The following RNU5D-1 variants were observed in gnomAD, a reference collection of about 807,000 sequenced individuals.
RNU5D-1 encodes RNA, U5D small nuclear 1.
exon 1 of RNU5D-1, chr1:44,731,127 T>C (rs115327971): frequency 1.3e-4 from 19 of 151,896 alleles, no homozygotes; most frequent in African/African-American, 2.7e-4. Context: ...AAATCTTTAG[T>C]AAAAGGCGAA....
chr1:44,731,161 A>C lies in RNU5D-1; in HGVS notation n.10T>G, dbSNP rs186192566. 3.3e-5 allele frequency: 5 copies of C among 151,948 alleles called. No individual in the cohort carries two copies. The East Asian group carries it at 5.8e-4, about 18-fold the overall frequency. The allele number at this position is 151,948 out of a possible 1,614,324, so 9.4% of individuals were successfully genotyped here. A position where few individuals can be genotyped will look rare whatever the true frequency, so the allele number is the denominator to read the frequency against. On this transcript the variant is annotated non_coding_transcript_exon_variant, in exon 1 of 1. Coordinates refer to ENST00000363299, the Ensembl canonical transcript of RNU5D-1. The stretch of plus-strand genomic sequence containing the variant: ...AAAGATTTATACGATTTGAAGAGAA[A>C]CCAGAGCATGTGTTGGAATGGTTGC...
At chr1:44,731,105 T>G (rs143518054) in exon 1 of RNU5D-1, 1 of 151,604 alleles carries the variant, frequency 6.6e-6, no homozygotes, top group Admixed American at 6.6e-5. Flanking sequence ...TCAAAACGGT[T>G]TCTCTCCACG....
At chr1:44,731,162 C>A (rs190604050) in exon 1 of RNU5D-1, 1 of 151,556 alleles carries the variant, frequency 6.6e-6, no homozygotes, top group African/African-American at 2.4e-5. Flanking sequence ...TGAAGAGAAA[C>A]CAGAGCATGT....
chr1:44,731,116 G>C (rs142196770), exon 1 of RNU5D-1: 4 of 151,918 alleles, frequency 2.6e-5, no homozygotes, highest in South Asian at 2.1e-4. Flanking sequence ...TCTCTCCACG[G>C]AAATCTTTAG....
exon 1 of RNU5D-1, chr1:44,731,125 A>T (rs1027580885): frequency 6.6e-6 from 1 of 152,106 alleles, no homozygotes; most frequent in Middle Eastern, 3.4e-3. Flanking sequence ...GGAAATCTTT[A>T]GTAAAAGGCG....
chr1:44,731,137 A>C (rs150614444), exon 1 of RNU5D-1: 1 of 151,798 alleles, frequency 6.6e-6, no homozygotes, highest in African/African-American at 2.4e-5. Flanking sequence ...TAAAAGGCGA[A>C]AGATTTATAC....
chr1:44,731,089 T>G (rs75586910), exon 1 of RNU5D-1: 4 of 152,164 alleles, frequency 2.6e-5, no homozygotes, highest in African/African-American at 4.8e-5. Flanking sequence ...AAAATTTGCT[T>G]GAAACTCAAA....
At chr1:44,731,158 G>GAAACCAGAGC (rs1553153408) in exon 1 of RNU5D-1, 1 of 151,760 alleles carries the variant, frequency 6.6e-6, no homozygotes, top group Non-Finnish European at 1.5e-5. Flanking sequence ...GATTTGAAGA[G>GAAACCAGAGC]AAACCAGAGC....
At chr1:44,731,154 A>T (rs976251089) in exon 1 of RNU5D-1, 2 of 151,264 alleles carry the variant, frequency 1.3e-5, no homozygotes, top group Admixed American at 6.7e-5. Context: ...ATACGATTTG[A>T]AGAGAAACCA....
exon 1 of RNU5D-1, chr1:44,731,113 A>C (rs528334010): frequency 3.9e-5 from 6 of 152,104 alleles, no homozygotes; most frequent in East Asian, 1.9e-4. Context: ...GTTTCTCTCC[A>C]CGGAAATCTT....
chr1:44,731,157 AG>A (rs1446178817), exon 1 of RNU5D-1: 5 of 151,260 alleles, frequency 3.3e-5, no homozygotes, highest in African/African-American at 1.2e-4. Flanking sequence ...CGATTTGAAG[AG>A]AAACCAGAGC....
chr1:44,731,108 T>G (rs557627799), exon 1 of RNU5D-1: 3 of 151,940 alleles, frequency 2.0e-5, no homozygotes, highest in Admixed American at 6.6e-5. Flanking sequence ...AAACGGTTTC[T>G]CTCCACGGAA....
At chr1:44,731,112 C>T (rs750192371) in exon 1 of RNU5D-1, 10 of 152,018 alleles carry the variant, frequency 6.6e-5, no homozygotes, top group East Asian at 3.9e-4. Context: ...GGTTTCTCTC[C>T]ACGGAAATCT....
chr1:44,731,087 C>A (rs116824218), exon 1 of RNU5D-1: 1 of 152,016 alleles, frequency 6.6e-6, no homozygotes, highest in Admixed American at 6.6e-5. Flanking sequence ...AAAAAATTTG[C>A]TTGAAACTCA....
At chr1:44,731,096 C>CAAA (rs1197688192) in exon 1 of RNU5D-1, 2 of 151,990 alleles carry the variant, frequency 1.3e-5, no homozygotes, top group Non-Finnish European at 2.9e-5. Flanking sequence ...GCTTGAAACT[C>CAAA]AAAACGGTTT....
exon 1 of RNU5D-1, chr1:44,731,119 A>T (rs189142210): frequency 6.6e-6 from 1 of 152,012 alleles, no homozygotes; most frequent in East Asian, 1.9e-4. Flanking sequence ...CTCCACGGAA[A>T]TCTTTAGTAA....
exon 1 of RNU5D-1, chr1:44,731,154 A>C (rs976251089): frequency 6.6e-6 from 1 of 151,264 alleles, no homozygotes; most frequent in East Asian, 1.9e-4. Flanking sequence ...ATACGATTTG[A>C]AGAGAAACCA....
exon 1 of RNU5D-1, chr1:44,731,170 T>C (rs995404337): frequency 9.2e-5 from 14 of 151,730 alleles, no homozygotes; most frequent in East Asian, 3.9e-4. Flanking sequence ...AACCAGAGCA[T>C]GTGTTGGAAT....
rs143179194 is a variant in RNU5D-1 at position 44,731,070 on chromosome 1, G to T, written n.101C>A. The T allele has an allele frequency of 5.9e-5, 9 of 152,072 alleles. No individual in the cohort carries two copies. The South Asian group carries it at 6.2e-4, about 11-fold the overall frequency. The allele number at this position is 152,072 out of a possible 1,614,324, so 9.4% of individuals were successfully genotyped here. A position where few individuals can be genotyped will look rare whatever the true frequency, so the allele number is the denominator to read the frequency against. The stretch of plus-strand genomic sequence containing the variant: ...ACCGTTGATGAACCCCACCAACATA[G>T]GGCTTCAAAAAATTTGCTTGAAACT... On this transcript the variant is annotated non_coding_transcript_exon_variant, in exon 1 of 1. Coordinates refer to ENST00000363299, the Ensembl canonical transcript of RNU5D-1.
Sources: allele counts gnomAD v4.1 joint callset, GRCh38; gene constraint gnomAD v4.1.1; transcripts MANE v1.5; gene names NCBI Gene and HGNC (gene_info 2026-07-23, HGNC 2026-07-21).